VAC14: variants seen among roughly 807,000 people sequenced by gnomAD.
The protein encoded by VAC14 is protein VAC14 homolog.
In VAC14, 47 loss-of-function variants were observed where a neutral mutation model predicts 85.3. The observed-to-expected ratio is 0.55, with a 90% CI of 0.44 to 0.70. The LOEUF is 0.70. Ranked by LOEUF, VAC14 falls within the 30% of genes least tolerant of loss-of-function variation. VAC14 has a pLI of 0.00. For synonymous variants in VAC14, 447 were observed against 430.5 expected (o/e 1.04, Z -0.47); for missense variants, 861 against 1,004.3 (o/e 0.86, Z 1.93).
intron 10 of VAC14, among the ~76,000 whole-genome samples, chr16:70,763,757 C>T (rs1366982913): frequency 6.6e-6 from 1 of 152,212 alleles, no homozygotes; most frequent in Non-Finnish European, 1.5e-5. Flanking sequence ...CAGGAAGCCC[C>T]CTGGCTTCTG....
rs1268890743 is a variant in VAC14 at position 70,698,696 on chromosome 16, G to A, written c.1777C>T (p.Leu593=). 2 of 1,614,086 alleles carry A rather than the reference G, an allele frequency of 1.2e-6. No homozygotes were observed. Among genetic ancestry groups the A allele is most frequent in the Non-Finnish European group, 1.7e-6 (2 of 1,180,028 alleles). ...TGGAAGAGCTCTGTGGAGGTCAGCA[G>A]GATGGTGTTGAGGGCGTGGACCATG... ...STMVHALNTI[L]LTSTELFQLR... Residue 593 remains leucine (L), a synonymous_variant, in exon 15 of 19, where the codon CTG becomes TTG. Transcript: ENST00000261776.
At chr16:70,736,942 C>G (rs2054774705) in intron 13 of VAC14, among the ~76,000 whole-genome samples, 1 of 152,122 alleles carries the variant, frequency 6.6e-6, no homozygotes, top group South Asian at 2.1e-4. Context: ...CCTCAGTGCT[C>G]AGCAGGACAG....
At chr16:70,689,948 G>A in intron 18 of VAC14, 2 of 985,512 alleles carry the variant, frequency 2.0e-6, no homozygotes, top group South Asian at 9.4e-5. Context: ...AACCCACTTA[G>A]GCCAAGGCCA....
At chr16:70,742,679 T>C (rs2902830) in intron 13 of VAC14, among the ~76,000 whole-genome samples, 41,856 of 152,242 alleles carry the variant, frequency 0.27, 8,822 homozygotes, top group African/African-American at 0.59. Flanking sequence ...GGTCTCCGGC[T>C]GCCCCTTGAA....
chr16:70,800,031 G>A (rs562075508), intron 1 of VAC14, among the ~76,000 whole-genome samples: 6 of 152,056 alleles, frequency 3.9e-5, no homozygotes, highest in Non-Finnish European at 7.4e-5. Flanking sequence ...CAGTTTCACA[G>A]CCTGCTTCTT....
At chr16:70,689,855 A>G (rs1358032108) in intron 18 of VAC14, 3 of 985,402 alleles carry the variant, frequency 3.0e-6, no homozygotes, top group Non-Finnish European at 3.6e-6. Flanking sequence ...CTGCTCCAAG[A>G]GAGCAGCTTG....
At chr16:70,799,253 C>A (rs758898318) in intron 1 of VAC14, among the ~76,000 whole-genome samples, 8 of 152,172 alleles carry the variant, frequency 5.3e-5, no homozygotes, top group Non-Finnish European at 8.8e-5. Flanking sequence ...GCCTATATAT[C>A]ATTTCTGGGT....
intron 1 of VAC14, among the ~76,000 whole-genome samples, chr16:70,788,002 T>C (rs902859009): frequency 2.0e-5 from 3 of 152,176 alleles, no homozygotes; most frequent in Non-Finnish European, 2.9e-5. Flanking sequence ...ACCTCAGACT[T>C]TAAAAAGTAA....
chr16:70,736,829 G>A (rs2054768816), intron 13 of VAC14, among the ~76,000 whole-genome samples: 1 of 148,132 alleles, frequency 6.8e-6, no homozygotes, highest in South Asian at 2.2e-4. Flanking sequence ...GCTGCATTGA[G>A]ACCACAGGTT....
At chr16:70,713,978 G>C (rs2054093697) in intron 14 of VAC14, 2 of 152,240 alleles carry the variant, frequency 1.3e-5, no homozygotes, top group African/African-American at 2.4e-5. Context: ...CCACAAAAAT[G>C]AAACGGAGGC....
chr16:70,794,524 T>C (rs1314265709), intron 1 of VAC14, among the ~76,000 whole-genome samples: 3 of 152,128 alleles, frequency 2.0e-5, no homozygotes, highest in African/African-American at 4.8e-5. Context: ...GCAGGAGATA[T>C]GGGGGAAGCC....
At chr16:70,716,383 C>G (rs764501090) in intron 14 of VAC14, 1 of 152,334 alleles carries the variant, frequency 6.6e-6, no homozygotes, top group Non-Finnish European at 1.5e-5. Flanking sequence ...GAGCTCTCTC[C>G]TTATGAACTC....
chr16:70,695,693 TC>T (rs1046950682), intron 16 of VAC14, 70 bp from the exon 17 acceptor site: 227 of 1,452,364 alleles, frequency 1.6e-4, no homozygotes, highest in South Asian at 5.1e-4. Context: ...CCACACGCCC[TC>T]CCCCCCTGCA....
Position 70,701,521 on chromosome 16 carries a change from AC to A in VAC14, c.1662-2711del, listed in dbSNP as rs544868655. ...CCCTGGGAGCACAACCTACACGGCC[AC>A]CCTGCCCCACACACCCGCCCCCATG... is the stretch of plus-strand genomic sequence containing the variant. On this transcript the variant is annotated intron_variant, in intron 14 of 18. Transcript: ENST00000261776. Among the ~76,000 whole-genome samples, 726 of 151,808 alleles carry A rather than the reference AC, an allele frequency of 4.8e-3. 6 individuals carry two copies. Among genetic ancestry groups the A allele is most frequent in the African/African-American group, 0.017 (692 of 41,370 alleles).
intron 14 of VAC14, 171 bp downstream of exon 14, chr16:70,731,324 T>C: frequency 1.4e-6 from 2 of 1,459,900 alleles, no homozygotes; most frequent in Non-Finnish European, 1.8e-6. Flanking sequence ...GTCAGAAGCA[T>C]CAGCAACCAG....
At chr16:70,729,865 C>G (rs115024419) in intron 14 of VAC14, among the ~76,000 whole-genome samples, 2 of 152,058 alleles carry the variant, frequency 1.3e-5, no homozygotes, top group Non-Finnish European at 2.9e-5. Context: ...CCATCAATTT[C>G]GAGATTGTAT....
At chr16:70,730,693 G>A (rs2054566398) in intron 14 of VAC14, among the ~76,000 whole-genome samples, 1 of 151,204 alleles carries the variant, frequency 6.6e-6, no homozygotes, top group Non-Finnish European at 1.5e-5. Flanking sequence ...CACCTCCCGG[G>A]TTCAGGCGAT....
chr16:70,699,982 G>C (rs905471772), intron 14 of VAC14: 2 of 152,154 alleles, frequency 1.3e-5, no homozygotes. Context: ...CGGCGTCGGA[G>C]GCCCCGAGGT....
chr16:70,692,437 GC>G (rs1306587993), intron 18 of VAC14, among the ~76,000 whole-genome samples: 6 of 152,086 alleles, frequency 3.9e-5, no homozygotes, highest in Non-Finnish European at 5.9e-5. Flanking sequence ...AGCCACTGGG[GC>G]CCCCATCTCT....
Sources: gnomAD v4.1 joint callset for allele counts (sites outside exome capture counted in the v4.1 genomes callset) on GRCh38, gnomAD v4.1.1 for gene constraint, MANE v1.5 for transcripts, NCBI Gene and HGNC (gene_info 2026-07-23, HGNC 2026-07-21) for gene names.